The following SLC35F4 variants were observed in gnomAD, a reference collection of about 807,000 sequenced individuals.
SLC35F4 encodes solute carrier family 35 member F4, also known as chromosome 14 open reading frame 36.
SLC35F4 carries 24 observed loss-of-function variants against 44.2 expected under a neutral mutation model. That is an observed-to-expected ratio of 0.54 (90% CI 0.39 to 0.76). The LOEUF is 0.76. Among genes scored for constraint, SLC35F4 ranks in the 30% least tolerant of loss-of-function variants. The pLI is 0.00. For missense variants in SLC35F4, 562 were observed against 586.1 expected (o/e 0.96, Z 0.42); for synonymous variants, 238 against 223.6 (o/e 1.06, Z -0.57).
At position 57,644,055 on chromosome 14, in the gene SLC35F4, A is replaced by G. The variant is rs536957262; in HGVS notation, c.104-49931T>C. Among the ~76,000 whole-genome samples, 178 of 152,164 alleles carry G rather than the reference A, an allele frequency of 1.2e-3. 2 individuals carry two copies. The East Asian group carries it at 0.014, about 12-fold the overall frequency. ...GGGTTGGTTCCAAGTCTTTGCTATT[A>G]TGAATAGTGCCATAATAAACATACG... On this transcript the variant is annotated intron_variant, in intron 1 of 7. Coordinates refer to ENST00000556826, the MANE Select transcript of SLC35F4 (RefSeq NM_001306087.2).
chr14:57,600,413 C>A (rs866489318), intron 1 of SLC35F4, among the ~76,000 whole-genome samples: 1 of 152,040 alleles, frequency 6.6e-6, no homozygotes, highest in African/African-American at 2.4e-5. Context: ...TAACTAGGGG[C>A]CGGGCGCGGT....
chr14:57,915,996 A>G (rs577270547), intron 1 of SLC35F4, among the ~76,000 whole-genome samples: 1 of 152,182 alleles, frequency 6.6e-6, no homozygotes, highest in African/African-American at 2.4e-5. Flanking sequence ...TCTTGTTATC[A>G]ATTGTTTTAG....
At chr14:57,597,545 A>G (rs2070565934) in intron 1 of SLC35F4, among the ~76,000 whole-genome samples, 1 of 152,242 alleles carries the variant, frequency 6.6e-6, no homozygotes, top group Non-Finnish European at 1.5e-5. Flanking sequence ...TGATGCAGAC[A>G]TGTAACCAAT....
intron 1 of SLC35F4, among the ~76,000 whole-genome samples, chr14:57,743,689 A>G (rs924664747): frequency 1.3e-5 from 2 of 152,212 alleles, no homozygotes; most frequent in Non-Finnish European, 2.9e-5. Context: ...TATTCCAATC[A>G]ATAGAAAAAG....
chr14:57,676,032 C>G (rs762492599), intron 1 of SLC35F4, among the ~76,000 whole-genome samples: 4 of 151,932 alleles, frequency 2.6e-5, no homozygotes, highest in Non-Finnish European at 5.9e-5. Flanking sequence ...ATAGACAACC[C>G]ACAGAGTGGA....
chr14:57,902,430 G>C (rs980976043), intron 1 of SLC35F4, among the ~76,000 whole-genome samples: 1 of 152,010 alleles, frequency 6.6e-6, no homozygotes, highest in Non-Finnish European at 1.5e-5. Context: ...AGATGTGGTA[G>C]CGCATGCCTG....
chr14:57,766,910 A>G lies in SLC35F4; in HGVS notation c.103+98813T>C, dbSNP rs564876745. 2.0e-5 allele frequency among the ~76,000 whole-genome samples: 3 copies of G among 152,358 alleles called. No homozygotes were observed. In the East Asian group the frequency reaches 5.8e-4, roughly 29 times the overall value. On this transcript the variant is annotated intron_variant, in intron 1 of 7. Transcript: ENST00000556826. ...TTATATAATAAAACACAGCCCATCTATATGCTGTTTACAAGAAATTCACTT... is the reference window on the plus strand; with the variant it reads ...TTATATAATAAAACACAGCCCATCTGTATGCTGTTTACAAGAAATTCACTT...
At chr14:57,754,893 A>C (rs8013544) in intron 1 of SLC35F4, among the ~76,000 whole-genome samples, 14 of 152,156 alleles carry the variant, frequency 9.2e-5, no homozygotes, top group Admixed American at 5.2e-4. Context: ...CCAGAGAGGG[A>C]AAGGAACATA....
At chr14:57,900,724 C>T (rs1371577271) in intron 1 of SLC35F4, among the ~76,000 whole-genome samples, 2 of 152,122 alleles carry the variant, frequency 1.3e-5, no homozygotes, top group Admixed American at 6.5e-5. Context: ...AAACTATCAT[C>T]GGAGTGAACA....
intron 1 of SLC35F4, among the ~76,000 whole-genome samples, chr14:57,980,412 C>T (rs945890225): frequency 1.3e-4 from 20 of 152,140 alleles, no homozygotes; most frequent in Admixed American, 3.3e-4. Context: ...CTGGTGGGGT[C>T]CTGCCGAGGA....
At chr14:57,803,971 C>CCAA (rs1163489002) in intron 1 of SLC35F4, among the ~76,000 whole-genome samples, 1 of 151,978 alleles carries the variant, frequency 6.6e-6, no homozygotes, top group Admixed American at 6.6e-5. Flanking sequence ...TTCCTGTACA[C>CCAA]CAACAACAAG....
intron 1 of SLC35F4, among the ~76,000 whole-genome samples, chr14:57,675,304 C>T (rs906395457): frequency 6.6e-6 from 1 of 152,034 alleles, no homozygotes; most frequent in Non-Finnish European, 1.5e-5. Context: ...AAATGATATG[C>T]ATGCTGAGGT....
intron 1 of SLC35F4, among the ~76,000 whole-genome samples, chr14:57,771,398 T>G (rs1470747497): frequency 6.6e-6 from 1 of 152,138 alleles, no homozygotes; most frequent in Non-Finnish European, 1.5e-5. Context: ...GGACCAAAGG[T>G]GCTGTGAAGC....
intron 1 of SLC35F4, among the ~76,000 whole-genome samples, chr14:57,885,742 A>G (rs1310648123): frequency 6.6e-6 from 1 of 152,212 alleles, no homozygotes; most frequent in East Asian, 1.9e-4. Flanking sequence ...AGAATGTTCT[A>G]TCAGAAAGCG....
At chr14:57,668,392 T>C (rs960590329) in intron 1 of SLC35F4, among the ~76,000 whole-genome samples, 6 of 152,020 alleles carry the variant, frequency 3.9e-5, no homozygotes, top group Non-Finnish European at 2.9e-5. Context: ...GTTTTAGACA[T>C]GAAGTCCTTG....
intron 1 of SLC35F4, among the ~76,000 whole-genome samples, chr14:57,917,854 T>C (rs183574905): frequency 6.6e-6 from 1 of 152,300 alleles, no homozygotes; most frequent in East Asian, 1.9e-4. Flanking sequence ...GGCCTTAATC[T>C]GTTAGTAAGC....
intron 1 of SLC35F4, among the ~76,000 whole-genome samples, chr14:57,952,785 A>G (rs1193439289): frequency 6.6e-6 from 1 of 152,156 alleles, no homozygotes; most frequent in Non-Finnish European, 1.5e-5. Context: ...ATATGGGACT[A>G]TGTGAAAAGA....
chr14:57,952,653 A>G (rs1277277451), intron 1 of SLC35F4, among the ~76,000 whole-genome samples: 1 of 151,854 alleles, frequency 6.6e-6, no homozygotes, highest in Admixed American at 6.6e-5. Context: ...ACAAATATCA[A>G]TAGCTGAATC....
chr14:57,566,522 G>C lies in SLC35F4; in HGVS notation c.1169C>G (p.Pro390Arg). 6.2e-7 allele frequency: 1 copy of C among 1,602,330 alleles called. No individual in the cohort carries two copies. Among genetic ancestry groups the C allele is most frequent in the Non-Finnish European group, 8.5e-7 (1 of 1,174,608 alleles). Residue 390 changes from proline (P) to arginine (R), a missense_variant, in exon 7 of 8, where the codon CCA (proline) becomes CGA (arginine). Transcript: ENST00000556826. ...LVNVGVVLTY[P>R]ILISIGTVLS... ...CACTGTCCCAATGGAGATTAGGATT[G>C]GGTATGTCAGCACCACCCCAACATT... is the stretch of plus-strand genomic sequence containing the variant.
Sources: allele counts gnomAD v4.1 joint callset (sites outside exome capture counted in the v4.1 genomes callset), GRCh38; gene constraint gnomAD v4.1.1; transcripts MANE v1.5; gene names NCBI Gene and HGNC (gene_info 2026-07-23, HGNC 2026-07-21).